The following SLC25A21 variants were observed in gnomAD, a reference collection of about 807,000 sequenced individuals.
The protein encoded by SLC25A21 is solute carrier family 25 member 21.
In SLC25A21, 47 loss-of-function variants were observed where a neutral mutation model predicts 43.8. That is an observed-to-expected ratio of 1.07 (90% CI 0.85 to 1.37). The LOEUF (loss-of-function observed/expected upper bound fraction) is 1.37. Ranked by LOEUF, SLC25A21 falls within the 40% of genes most tolerant of loss-of-function variation. The probability of loss-of-function intolerance (pLI) is 0.00; values close to 1 mark genes in which losing one functional copy is unlikely to be tolerated. For missense variants in SLC25A21, 352 were observed against 350.2 expected (o/e 1.00, Z -0.04); for synonymous variants, 131 against 121.3 (o/e 1.08, Z -0.52).
At chr14:36,795,087 C>T (rs1566621064) in intron 3 of SLC25A21, among the ~76,000 whole-genome samples, 1 of 151,970 alleles carries the variant, frequency 6.6e-6, no homozygotes, top group Non-Finnish European at 1.5e-5. Flanking sequence ...AGAGTATAGA[C>T]CTTATAATAA....
At chr14:37,170,362 A>G (rs921610032) in intron 1 of SLC25A21, among the ~76,000 whole-genome samples, 1 of 152,038 alleles carries the variant, frequency 6.6e-6, no homozygotes, top group African/African-American at 2.4e-5. Context: ...ACATTCTTTG[A>G]GTTTAGCTGT....
At chr14:37,172,148 C>T (rs1964142408) in intron 1 of SLC25A21, 133 bp downstream of exon 1, 1 of 931,642 alleles carries the variant, frequency 1.1e-6, no homozygotes, top group South Asian at 1.7e-5. Flanking sequence ...GGGGCTCAAG[C>T]ACTGCTCCGG....
chr14:36,992,670 A>G (rs1312373266), intron 1 of SLC25A21, among the ~76,000 whole-genome samples: 1 of 152,150 alleles, frequency 6.6e-6, no homozygotes, highest in South Asian at 2.1e-4. Flanking sequence ...GTATGAGAAA[A>G]TCATAACTTT....
intron 1 of SLC25A21, among the ~76,000 whole-genome samples, chr14:36,933,509 A>G (rs1892345653): frequency 6.6e-6 from 1 of 152,144 alleles, no homozygotes; most frequent in Non-Finnish European, 1.5e-5. Context: ...CAAAAGCTTT[A>G]CTTAGATGGT....
At chr14:37,042,587 T>C (rs1961497503) in intron 1 of SLC25A21, among the ~76,000 whole-genome samples, 1 of 152,204 alleles carries the variant, frequency 6.6e-6, no homozygotes, top group Non-Finnish European at 1.5e-5. Flanking sequence ...AATATGTCTG[T>C]AGAAGATAAA....
chr14:36,760,331 AGAAGGAAGGAAGGAAGGAAGGAAGGAAG>A (rs57996006), intron 3 of SLC25A21, among the ~76,000 whole-genome samples: 4 of 136,754 alleles, frequency 2.9e-5, no homozygotes, highest in African/African-American at 8.4e-5. Context: ...GCAGCTAGGC[AGAAGGAAGGAAGGAAGGAAGGAAGGAAG>A]GAAGGAAGGA....
At chr14:37,080,492 C>G (rs1171026314) in intron 1 of SLC25A21, among the ~76,000 whole-genome samples, 1 of 152,088 alleles carries the variant, frequency 6.6e-6, no homozygotes. Flanking sequence ...CCCTGCTACT[C>G]AGGAGGCTGA....
At chr14:37,085,828 G>A (rs974756843) in intron 1 of SLC25A21, among the ~76,000 whole-genome samples, 2 of 152,182 alleles carry the variant, frequency 1.3e-5, no homozygotes, top group South Asian at 2.1e-4. Context: ...AAACTTGGCC[G>A]GCCGCGGTGG....
intron 2 of SLC25A21, among the ~76,000 whole-genome samples, chr14:36,823,117 T>G (rs1016539796): frequency 1.3e-5 from 2 of 152,190 alleles, no homozygotes; most frequent in Non-Finnish European, 2.9e-5. Flanking sequence ...TTATATTACT[T>G]ATGGGATAAT....
At chr14:36,896,209 T>C (rs1372842946) in intron 1 of SLC25A21, among the ~76,000 whole-genome samples, 1 of 152,230 alleles carries the variant, frequency 6.6e-6, no homozygotes, top group African/African-American at 2.4e-5. Context: ...ACTTGCTTTA[T>C]GAATCTGGGT....
chr14:36,699,443 G>A (rs1329662709), intron 7 of SLC25A21, among the ~76,000 whole-genome samples: 2 of 152,202 alleles, frequency 1.3e-5, no homozygotes, highest in Non-Finnish European at 2.9e-5. Context: ...TGTTCTCAGA[G>A]CTCAAACGCC....
chr14:36,825,773 A>C (rs1053246140), intron 2 of SLC25A21, among the ~76,000 whole-genome samples: 8 of 152,184 alleles, frequency 5.3e-5, no homozygotes, highest in African/African-American at 1.7e-4. Flanking sequence ...ATTAAACATA[A>C]TGCATGCTTT....
chr14:36,749,372 A>G (rs1162829438), intron 3 of SLC25A21, among the ~76,000 whole-genome samples: 1 of 152,126 alleles, frequency 6.6e-6, no homozygotes, highest in Non-Finnish European at 1.5e-5. Flanking sequence ...TTCTTTCTCT[A>G]CTTCATGTCT....
chr14:36,728,440 T>C (rs1015453667), intron 5 of SLC25A21, among the ~76,000 whole-genome samples: 7 of 152,168 alleles, frequency 4.6e-5, no homozygotes, highest in African/African-American at 1.7e-4. Context: ...GTTTCCAAAC[T>C]TAAGAATGAC....
intron 1 of SLC25A21, among the ~76,000 whole-genome samples, chr14:37,100,309 C>T (rs539439907): frequency 8.5e-5 from 13 of 152,086 alleles, no homozygotes; most frequent in Admixed American, 3.3e-4. Context: ...TTCCCCGCCT[C>T]GGCCTCCCAA....
At chr14:36,966,600 C>T (rs985149627) in intron 1 of SLC25A21, among the ~76,000 whole-genome samples, 6 of 152,204 alleles carry the variant, frequency 3.9e-5, no homozygotes, top group African/African-American at 9.6e-5. Context: ...TATCTACACA[C>T]TGTACTCTCA....
At chr14:37,006,648 AG>A (rs139388293) in intron 1 of SLC25A21, among the ~76,000 whole-genome samples, 16,354 of 152,120 alleles carry the variant, frequency 0.11, 961 homozygotes, top group African/African-American at 0.15. Flanking sequence ...CCAGAATCCC[AG>A]AACACCTTAA....
At position 36,750,181 on chromosome 14, in the gene SLC25A21, T is replaced by C. The variant is rs77521403; in HGVS notation, c.204-15608A>G. On this transcript the variant is annotated intron_variant, in intron 3 of 9. Transcript: ENST00000331299. Reference sequence around the variant, plus strand: ...GCATTTTGAACTATTCTAAGATCAATCTCTTTCACATTCCTACCAAATGTC... The same window carrying C: ...GCATTTTGAACTATTCTAAGATCAACCTCTTTCACATTCCTACCAAATGTC... Among the ~76,000 whole-genome samples the C allele has an allele frequency of 1.0e-2, 1,516 of 152,316 alleles. 9 individuals carry two copies. Among genetic ancestry groups the C allele is most frequent in the Middle Eastern group, 0.017 (5 of 294 alleles).
At chr14:37,081,848 C>G (rs1261761976) in intron 1 of SLC25A21, among the ~76,000 whole-genome samples, 1 of 152,168 alleles carries the variant, frequency 6.6e-6, no homozygotes, top group African/African-American at 2.4e-5. Context: ...TTGTTATATT[C>G]AATTACCACA....
Sources: allele counts gnomAD v4.1 joint callset (sites outside exome capture counted in the v4.1 genomes callset), GRCh38; gene constraint gnomAD v4.1.1; transcripts MANE v1.5; gene names NCBI Gene and HGNC (gene_info 2026-07-23, HGNC 2026-07-21).